Variants in TENM3 observed in about 807,000 individuals in gnomAD.
The protein encoded by TENM3 is teneurin transmembrane protein 3, also known as teneurin-3.
In TENM3, 63 loss-of-function variants were observed where a neutral mutation model predicts 255.1. The ratio of observed to expected loss-of-function variants is 0.25; its 90% CI spans 0.20 to 0.30. TENM3 has a LOEUF of 0.30. TENM3 is among the 10% of genes least tolerant of loss of function. The pLI is 1.00. For missense variants in TENM3, 2,929 were observed against 3,461.1 expected (o/e 0.85, Z 3.86); for synonymous variants, 1,306 against 1,322.3 (o/e 0.99, Z 0.27).
the TENM3 span, among the ~76,000 whole-genome samples, chr4:181,730,423 G>C: frequency 6.6e-6 from 1 of 152,326 alleles, no homozygotes; most frequent in African/African-American, 2.4e-5. Flanking sequence ...AGGGAGTTTA[G>C]TCGTAGGAGT....
intron 3 of TENM3, among the ~76,000 whole-genome samples, chr4:182,376,760 T>C (rs1767203954): frequency 1.3e-5 from 2 of 152,044 alleles, no homozygotes; most frequent in Admixed American, 1.3e-4. Context: ...GGGTTGTTTC[T>C]GGTCAAATTA....
At chr4:182,761,629 C>T (rs1172924200) in intron 22 of TENM3, among the ~76,000 whole-genome samples, 2 of 152,118 alleles carry the variant, frequency 1.3e-5, no homozygotes, top group Admixed American at 6.6e-5. Flanking sequence ...TACACACACA[C>T]ATATATATCT....
chr4:182,344,190 T>A (rs1764655846), intron 2 of TENM3, among the ~76,000 whole-genome samples: 1 of 152,134 alleles, frequency 6.6e-6, no homozygotes, highest in Admixed American at 6.6e-5. Flanking sequence ...GAGTGTAAAG[T>A]GACTTAAACA....
At chr4:181,597,392 A>G in the TENM3 span, among the ~76,000 whole-genome samples, 1 of 152,336 alleles carries the variant, frequency 6.6e-6, no homozygotes, top group African/African-American at 2.4e-5. Context: ...CAGCACGTCT[A>G]CTTTTAGGAA....
At chr4:181,940,496 A>G in the TENM3 span, among the ~76,000 whole-genome samples, 1 of 152,250 alleles carries the variant, frequency 6.6e-6, no homozygotes, top group East Asian at 1.9e-4. Flanking sequence ...GAACACAGGT[A>G]ATAAATAATA....
the TENM3 span, among the ~76,000 whole-genome samples, chr4:181,505,965 A>C: frequency 6.6e-6 from 1 of 152,194 alleles, no homozygotes; most frequent in Non-Finnish European, 1.5e-5. Context: ...ATGCTTATTT[A>C]ATAGGTCAAA....
At chr4:182,205,285 G>A (rs970340597) in intron 1 of TENM3, among the ~76,000 whole-genome samples, 2 of 152,162 alleles carry the variant, frequency 1.3e-5, no homozygotes, top group South Asian at 2.1e-4. Flanking sequence ...AATAGTTGAC[G>A]TAAGCTAAAT....
intron 3 of TENM3, among the ~76,000 whole-genome samples, chr4:182,572,782 C>T (rs1744527330): frequency 2.0e-5 from 3 of 152,178 alleles, no homozygotes; most frequent in South Asian, 2.1e-4. Context: ...CACGTACCAA[C>T]TCATATTCAT....
the TENM3 span, among the ~76,000 whole-genome samples, chr4:181,535,112 A>C: frequency 6.6e-6 from 1 of 152,142 alleles, no homozygotes; most frequent in African/African-American, 2.4e-5. Flanking sequence ...GTAGCCAAAA[A>C]GAGTCTCCGG....
chr4:182,070,982 A>T, the TENM3 span, among the ~76,000 whole-genome samples: 1 of 152,126 alleles, frequency 6.6e-6, no homozygotes, highest in Non-Finnish European at 1.5e-5. Context: ...ATTCCAGCCA[A>T]TGCACTAACT....
the TENM3 span, among the ~76,000 whole-genome samples, chr4:181,634,928 C>T: frequency 6.6e-6 from 1 of 152,054 alleles, no homozygotes; most frequent in African/African-American, 2.4e-5. Flanking sequence ...GAAAAACATA[C>T]TCTATATTCA....
At chr4:182,238,319 A>G (rs1461914884) in intron 1 of TENM3, among the ~76,000 whole-genome samples, 1 of 152,218 alleles carries the variant, frequency 6.6e-6, no homozygotes, top group Non-Finnish European at 1.5e-5. Context: ...ACTAAAACAA[A>G]TAAAGCTCAT....
At chr4:182,432,852 G>GTGTGTGTGTGTGTGTGTA (rs1771766484) in intron 3 of TENM3, among the ~76,000 whole-genome samples, 1 of 150,708 alleles carries the variant, frequency 6.6e-6, no homozygotes, top group Non-Finnish European at 1.5e-5. Flanking sequence ...GGATTTGGGT[G>GTGTGTGTGTGTGTGTGTA]TGTGTGTGTG....
intron 22 of TENM3, among the ~76,000 whole-genome samples, chr4:182,767,873 C>G (rs1328890166): frequency 6.6e-6 from 1 of 152,150 alleles, no homozygotes; most frequent in Non-Finnish European, 1.5e-5. Context: ...AGAATGAACC[C>G]AAACCAACAT....
intron 3 of TENM3, among the ~76,000 whole-genome samples, chr4:182,557,291 T>C (rs1742672372): frequency 1.3e-5 from 2 of 152,226 alleles, no homozygotes; most frequent in African/African-American, 4.8e-5. Context: ...CCCTATTTAT[T>C]GTTCCTGTCC....
At position 182,488,883 on chromosome 4, in the gene TENM3, C is replaced by T. The variant is rs540253017; in HGVS notation, c.512-112041C>T. On this transcript the variant is annotated intron_variant, in intron 3 of 27. Transcript: ENST00000511685. ...GACAGAAGCCAGTGGAGGTGGGAAGCGGAGGTAGCAAGGGGTGAGGAACTG... is the reference window on the plus strand; with the variant it reads ...GACAGAAGCCAGTGGAGGTGGGAAGTGGAGGTAGCAAGGGGTGAGGAACTG... 7.0e-4 allele frequency among the ~76,000 whole-genome samples: 107 copies of T among 151,858 alleles called. 1 individual carries two copies. Among genetic ancestry groups the T allele is most frequent in the African/African-American group, 2.4e-3 (98 of 41,400 alleles).
chr4:181,671,046 A>G, the TENM3 span, among the ~76,000 whole-genome samples: 1 of 152,186 alleles, frequency 6.6e-6, no homozygotes, highest in African/African-American at 2.4e-5. Context: ...TGTGTTGTAC[A>G]TAATTTATAG....
Position 182,681,977 on chromosome 4 carries a change from G to A in TENM3, c.1998G>A (p.Thr666=), listed in dbSNP as rs752644756. The change falls in exon 11 of 28, where the codon ACG becomes ACA. Residue 666 remains threonine, a synonymous_variant. Coordinates refer to ENST00000511685, the MANE Select transcript of TENM3 (RefSeq NM_001080477.4). ...ATCTTCAAGAAAGTGGCTCCTGCACGTGTGACCCTAACTGGACTGGCCCAG... is the reference window on the plus strand; with the variant it reads ...ATCTTCAAGAAAGTGGCTCCTGCACATGTGACCCTAACTGGACTGGCCCAG... ...GTYLQESGSC[T]CDPNWTGPDC... is the part of the protein sequence containing the mutation. 29 of 1,613,926 alleles carry A rather than the reference G, an allele frequency of 1.8e-5. No homozygotes were observed. Among genetic ancestry groups the A allele is most frequent in the South Asian group, 1.1e-4 (10 of 91,076 alleles).
chr4:182,369,690 G>T (rs1295317028), intron 3 of TENM3, among the ~76,000 whole-genome samples: 1 of 152,032 alleles, frequency 6.6e-6, no homozygotes, highest in Non-Finnish European at 1.5e-5. Flanking sequence ...AGACCAGCTT[G>T]GTCAACATGG....
Sources: gnomAD v4.1 joint callset for allele counts (sites outside exome capture counted in the v4.1 genomes callset) on GRCh38, gnomAD v4.1.1 for gene constraint, MANE v1.5 for transcripts, NCBI Gene and HGNC (gene_info 2026-07-23, HGNC 2026-07-21) for gene names.